The following SNTG1 variants were observed in gnomAD, a reference collection of about 807,000 sequenced individuals.
The protein encoded by SNTG1 is gamma-1-syntrophin.
In SNTG1, 39 loss-of-function variants were observed where a neutral mutation model predicts 74.7. The observed-to-expected ratio is 0.52, with a 90% CI of 0.40 to 0.68. The LOEUF (loss-of-function observed/expected upper bound fraction) is 0.68, where lower values mean the gene tolerates loss of function less well. Ranked by LOEUF, SNTG1 falls within the 30% of genes least tolerant of loss-of-function variation. The probability of loss-of-function intolerance (pLI) is 0.00; values close to 1 mark genes in which losing one functional copy is unlikely to be tolerated. For synonymous variants in SNTG1, 254 were observed against 217.1 expected (o/e 1.17, Z -1.49); for missense variants, 685 against 609.5 (o/e 1.12, Z -1.30).
intron 12 of SNTG1, among the ~76,000 whole-genome samples, chr8:50,558,132 G>A (rs1347356204): frequency 6.6e-6 from 1 of 152,140 alleles, no homozygotes; most frequent in African/African-American, 2.4e-5. Context: ...AAGGAGAGAA[G>A]AGTGGGGATC....
At chr8:50,271,705 T>G (rs957192092) in intron 2 of SNTG1, among the ~76,000 whole-genome samples, 4 of 152,198 alleles carry the variant, frequency 2.6e-5, no homozygotes, top group Non-Finnish European at 5.9e-5. Context: ...ACCTCCTAAA[T>G]ATTTCATCCT....
At chr8:50,780,885 G>T (rs1246083217) in intron 18 of SNTG1, among the ~76,000 whole-genome samples, 3 of 152,310 alleles carry the variant, frequency 2.0e-5, no homozygotes, top group Non-Finnish European at 4.4e-5. Flanking sequence ...ATGTGGCCCA[G>T]AGATTCTGGT....
chr8:50,138,686 TGCACCTTCAAA>T (rs2081561197), intron 1 of SNTG1, among the ~76,000 whole-genome samples: 1 of 150,612 alleles, frequency 6.6e-6, no homozygotes, highest in South Asian at 2.1e-4. Context: ...GAAAGACTCA[TGCACCTTCAAA>T]GCACTGAAGG....
At chr8:50,667,358 C>T (rs973911868) in intron 15 of SNTG1, among the ~76,000 whole-genome samples, 3 of 151,988 alleles carry the variant, frequency 2.0e-5, no homozygotes, top group Non-Finnish European at 4.4e-5. Context: ...GTTGCTATAA[C>T]TGAATACCAC....
intron 2 of SNTG1, among the ~76,000 whole-genome samples, chr8:50,392,181 A>T (rs913436134): frequency 2.0e-5 from 3 of 152,218 alleles, no homozygotes; most frequent in Non-Finnish European, 4.4e-5. Context: ...TAAGATGCTA[A>T]CAGTAGAGAA....
intron 2 of SNTG1, among the ~76,000 whole-genome samples, chr8:50,190,153 T>G (rs2083515881): frequency 6.6e-6 from 1 of 152,164 alleles, no homozygotes; most frequent in South Asian, 2.1e-4. Context: ...TACGGTATAA[T>G]TCAGCCTTTA....
intron 8 of SNTG1, among the ~76,000 whole-genome samples, chr8:50,494,640 G>A (rs777785074): frequency 6.6e-6 from 1 of 151,936 alleles, no homozygotes; most frequent in African/African-American, 2.4e-5. Context: ...AATCATTGAG[G>A]AAATCATCTT....
Position 49,911,712 on chromosome 8 carries a change from T to C in SNTG1, c.-622T>C, listed in dbSNP as rs1024130551. 1 of 152,226 alleles carries C rather than the reference T, an allele frequency of 6.6e-6. No individual in the cohort carries two copies. The highest frequency in any genetic ancestry group is 1.5e-5 in the Non-Finnish European group (1 of 68,070). 9.4% of individuals were successfully genotyped at this position (152,226 alleles called of 1,614,324 possible). On this transcript the variant is annotated 5_prime_UTR_variant, in exon 1 of 19. The change abolishes an upstream ATG in the 5' untranslated region. Transcript: ENST00000642720. ...CCCCTTACTTCAGCACCAGAGGGGA[T>C]GGACAGCGTCTCCGGACTGAGCTGC...
intron 8 of SNTG1, among the ~76,000 whole-genome samples, chr8:50,479,795 A>G (rs913875553): frequency 6.6e-6 from 1 of 152,038 alleles, no homozygotes; most frequent in African/African-American, 2.4e-5. Flanking sequence ...AAGTTTTCCA[A>G]GACATCTCAT....
At chr8:50,754,609 CAAAG>C (rs1364473121) in intron 18 of SNTG1, among the ~76,000 whole-genome samples, 1 of 151,778 alleles carries the variant, frequency 6.6e-6, no homozygotes, top group Non-Finnish European at 1.5e-5. Flanking sequence ...AGAGGTTTTT[CAAAG>C]AACTACATTA....
chr8:50,346,056 G>A (rs2091466207), intron 2 of SNTG1, among the ~76,000 whole-genome samples: 1 of 152,070 alleles, frequency 6.6e-6, no homozygotes, highest in South Asian at 2.1e-4. Context: ...CAGGATGACG[G>A]GCCATAATGA....
chr8:50,619,686 G>A lies in SNTG1; in HGVS notation c.849+28769G>A, dbSNP rs570934331. ...GCGGAGGTTGCAGTGAGCCGAGATC[G>A]TGCCACTGCACTGCAGCCTGGGCGA... is the stretch of plus-strand genomic sequence containing the variant. On this transcript the variant is annotated intron_variant, in intron 13 of 18. Coordinates refer to ENST00000642720, the MANE Select transcript of SNTG1 (RefSeq NM_018967.5). Among the ~76,000 whole-genome samples, 4 of 149,474 alleles carry A rather than the reference G, an allele frequency of 2.7e-5. No individual in the cohort carries two copies. The South Asian group carries it at 6.4e-4, about 24-fold the overall frequency.
At chr8:50,623,149 A>G (rs1381562171) in intron 13 of SNTG1, among the ~76,000 whole-genome samples, 1 of 152,076 alleles carries the variant, frequency 6.6e-6, no homozygotes, top group African/African-American at 2.4e-5. Context: ...CTCCTTTACA[A>G]CTTAGACACA....
At chr8:50,385,145 T>C (rs146478443) in intron 2 of SNTG1, among the ~76,000 whole-genome samples, 86 of 152,278 alleles carry the variant, frequency 5.6e-4, no homozygotes, top group Middle Eastern at 3.4e-3. Context: ...ACAGATATTC[T>C]GCGTCATATG....
intron 1 of SNTG1, among the ~76,000 whole-genome samples, chr8:49,995,927 A>G (rs1305377242): frequency 2.0e-5 from 3 of 152,208 alleles, no homozygotes; most frequent in Admixed American, 1.3e-4. Flanking sequence ...ATCTTTAAGC[A>G]TAAAAACTGG....
intron 1 of SNTG1, among the ~76,000 whole-genome samples, chr8:49,977,115 G>T (rs1812266169): frequency 6.6e-6 from 1 of 152,080 alleles, no homozygotes; most frequent in Non-Finnish European, 1.5e-5. Flanking sequence ...AGGGAAGGTG[G>T]GTGGGAAGTG....
intron 13 of SNTG1, among the ~76,000 whole-genome samples, chr8:50,616,274 A>G (rs930469707): frequency 2.6e-5 from 4 of 152,212 alleles, no homozygotes; most frequent in Non-Finnish European, 4.4e-5. Context: ...CCTTAGATAA[A>G]GTGTTTTAAG....
chr8:50,288,333 C>CA (rs958270734), intron 2 of SNTG1, among the ~76,000 whole-genome samples: 11 of 151,268 alleles, frequency 7.3e-5, no homozygotes, highest in East Asian at 1.9e-4. Flanking sequence ...ACTCAAGTAA[C>CA]AAAAAAAAAT....
At chr8:49,913,513 C>T (rs1438705737) in intron 1 of SNTG1, among the ~76,000 whole-genome samples, 1 of 152,146 alleles carries the variant, frequency 6.6e-6, no homozygotes, top group Non-Finnish European at 1.5e-5. Flanking sequence ...TCATTCTTAA[C>T]TGTCACCACT....
Sources: gnomAD v4.1 joint callset for allele counts (sites outside exome capture counted in the v4.1 genomes callset) on GRCh38, gnomAD v4.1.1 for gene constraint, MANE v1.5 for transcripts, NCBI Gene and HGNC (gene_info 2026-07-23, HGNC 2026-07-21) for gene names.